Variants in LRP1 observed in about 807,000 individuals in gnomAD.
LRP1 encodes the protein prolow-density lipoprotein receptor-related protein 1.
In LRP1, 51 loss-of-function variants were observed where a neutral mutation model predicts 541.5. The observed-to-expected ratio is 0.09, with a 90% confidence interval of 0.08 to 0.12. The LOEUF is 0.12. Among genes scored for constraint, LRP1 ranks in the 10% least tolerant of loss-of-function variants. LRP1 has a pLI of 1.00. For synonymous variants in LRP1, 2,219 were observed against 2,470.8 expected (o/e 0.90, Z 3.02); for missense variants, 3,878 against 6,376.2 (o/e 0.61, Z 13.34).
In LRP1 at chr12:57,178,419, A is replaced by G. The variant is rs1389712845; in HGVS notation, c.4422A>G (p.Gly1474=). The G allele has an allele frequency of 6.8e-6, 11 of 1,614,088 alleles. No individual in the cohort carries two copies. Among genetic ancestry groups the G allele is most frequent in the Non-Finnish European group, 9.3e-6 (11 of 1,180,028 alleles). ...CTGGCCACATGGAGGTGCTTCGGGG[A>G]CACGAGTTCCTGTCGCACCCGTTTG... is the stretch of plus-strand genomic sequence containing the variant. ...DGSGHMEVLR[G]HEFLSHPFAV... Residue 1474 remains glycine (G), a synonymous_variant, in exon 27 of 89, where the codon GGA becomes GGG. Transcript: ENST00000243077. This position sits in a 1 kb window ranked among gnomAD's most constrained non-coding sequence, Gnocchi z 5.8.
chr12:57,147,816 G>T (rs1309129216), intron 6 of LRP1, among the ~76,000 whole-genome samples: 1 of 152,200 alleles, frequency 6.6e-6, no homozygotes, highest in Admixed American at 6.5e-5. Flanking sequence ...GGAGTCCTGA[G>T]AGCCCCCGAG....
chr12:57,147,196 C>T (rs944506808), intron 6 of LRP1, among the ~76,000 whole-genome samples: 4 of 151,700 alleles, frequency 2.6e-5, no homozygotes, highest in Non-Finnish European at 5.9e-5. Context: ...GGGTTTCTCT[C>T]ATCCCAGCTT....
At position 57,195,803 on chromosome 12, in the gene LRP1, A is replaced by G. The variant is rs1256513918; in HGVS notation, c.8560+23A>G. ...GTGGTGAGCCTTCGGCGGTGGTGGG[A>G]GGAGGCCCTGCCCTCTGCCGGGCCA... On this transcript the variant is annotated intron_variant, in intron 53 of 88. Transcript: ENST00000243077. The G allele has an allele frequency of 3.1e-6, 5 of 1,613,868 alleles. No individual in the cohort carries two copies. In the African/African-American group the frequency reaches 4.0e-5, roughly 13 times the overall value.
rs544933752 is a variant in LRP1 at position 57,189,868 on chromosome 12, C to T, written c.7032-937C>T. Among the ~76,000 whole-genome samples the T allele has an allele frequency of 6.6e-6, 1 of 152,098 alleles. No individual in the cohort carries two copies. Among genetic ancestry groups the T allele is most frequent in the Non-Finnish European group, 1.5e-5 (1 of 68,004 alleles). On this transcript the variant is annotated intron_variant, in intron 42 of 88. Transcript: ENST00000243077. This position sits in a 1 kb window ranked among gnomAD's most constrained non-coding sequence, Gnocchi z 4.4. ...CCCCGCCCTGGGCCTAGCTGAGTGA[C>T]AAGCTCTGGGACCGAGGACCCAGGG... is the stretch of plus-strand genomic sequence containing the variant.
Position 57,211,291 on chromosome 12 carries a change from C to T in LRP1, c.13032C>T (p.Cys4344=), listed in dbSNP as rs763372408. 36 of 1,614,090 alleles carry T rather than the reference C, an allele frequency of 2.2e-5. No individual in the cohort carries two copies. Among genetic ancestry groups the T allele is most frequent in the Non-Finnish European group, 3.1e-5 (36 of 1,180,048 alleles). Residue 4344 remains cysteine, a synonymous_variant, in exon 84 of 89, where the codon TGC becomes TGT. Transcript: ENST00000243077. The surrounding 1 kb of genome is among the most constrained non-coding windows in gnomAD (Gnocchi z 4.3). ...FEGSRCEVNK[C]SRCLEGACVV... is the part of the protein sequence containing the mutation. ...GATCGAGGTGTGAGGTGAACAAGTGCAGCCGCTGTCTCGAAGGGGCCTGTG... is the reference window on the plus strand; with the variant it reads ...GATCGAGGTGTGAGGTGAACAAGTGTAGCCGCTGTCTCGAAGGGGCCTGTG...
rs766802743 is a variant in LRP1 at position 57,201,009 on chromosome 12, G to A, written c.10226-25G>A. 28 of 1,613,852 alleles carry A rather than the reference G, an allele frequency of 1.7e-5. No individual in the cohort carries two copies. Among genetic ancestry groups the A allele is most frequent in the South Asian group, 1.1e-4 (10 of 91,000 alleles). On this transcript the variant is annotated intron_variant, in intron 64 of 88. Transcript: ENST00000243077. This position sits in a 1 kb window ranked among gnomAD's most constrained non-coding sequence, Gnocchi z 6.4. ...TGCCCCTGAGTCCTCCCTTCGCCAC[G>A]AATCACCTCCTCCTCCCTCCACAGA...
intron 19 of LRP1, among the ~76,000 whole-genome samples, chr12:57,168,558 A>G (rs961860395): frequency 6.6e-6 from 1 of 152,194 alleles, no homozygotes; most frequent in African/African-American, 2.4e-5. Flanking sequence ...CACATGTCCC[A>G]TAAATACAGA....
chr12:57,155,360 A>C (rs1322780694), intron 8 of LRP1: 2 of 158,776 alleles, frequency 1.3e-5, no homozygotes, highest in African/African-American at 4.8e-5. Flanking sequence ...GCCCATCTCT[A>C]ATTCAGTCTA....
In LRP1 at chr12:57,210,156, G is replaced by GC. The variant is rs757410385; in HGVS notation, c.12575dup (p.Asp4193ArgfsTer9). 1.7e-4 allele frequency: 264 copies of GC among 1,597,482 alleles called. No homozygotes were observed. The highest frequency in any genetic ancestry group is 1.7e-4 in the Middle Eastern group (1 of 5,982). ...CATGCGTGCCTGTGCCCTCTCCAAC[G>GC]CCCCCCCCAGATGGTATGCTTATGC... On this transcript the variant is annotated frameshift_variant, in exon 81 of 89. Transcript: ENST00000243077. LOFTEE classifies it high-confidence loss of function.
rs2136717059 is a variant in LRP1, at chr12:57,189,743, A to G, written c.7032-1062A>G. On this transcript the variant is annotated intron_variant, in intron 42 of 88. Coordinates refer to ENST00000243077, the MANE Select transcript of LRP1 (RefSeq NM_002332.3). This position sits in a 1 kb window ranked among gnomAD's most constrained non-coding sequence, Gnocchi z 4.4. ...GGTGGGGGCGGGGGCAGGTCCTGTT[A>G]GGGAACTGGAGAACGGAGCTGGCTT... Among the ~76,000 whole-genome samples, 1 of 152,140 alleles carries G rather than the reference A, an allele frequency of 6.6e-6. No homozygotes were observed. The highest frequency in any genetic ancestry group is 2.4e-5 in the African/African-American group (1 of 41,510).
At position 57,196,282 on chromosome 12, in the gene LRP1, G is replaced by T. The variant is rs146476638; in HGVS notation, c.8892+5G>T. The stretch of plus-strand genomic sequence containing the variant: ...GACCTCAAGATCGGCTTCAAGGTAT[G>T]CCCAGCCCTGGGGAGGAGCTTCCAC... On this transcript the variant is annotated splice_donor_5th_base_variant and intron_variant, in intron 55 of 88. Coordinates refer to ENST00000243077, the MANE Select transcript of LRP1 (RefSeq NM_002332.3). 3.7e-4 allele frequency: 587 copies of T among 1,572,206 alleles called. 1 individual carries two copies. Among genetic ancestry groups the T allele is most frequent in the Non-Finnish European group, 1.1e-4 (130 of 1,154,498 alleles).
Position 57,162,322 on chromosome 12 carries a change from G to A in LRP1, c.2208G>A (p.Val736=), listed in dbSNP as rs1382472055. The A allele has an allele frequency of 6.2e-7, 1 of 1,614,002 alleles. No individual in the cohort carries two copies. The highest frequency in any genetic ancestry group is 2.2e-5 in the East Asian group (1 of 44,884). ...ILLNGTDRKI[V]YEGPELNHAF... ...AACATCCTCTCCATCCCTAGATTGTGTATGAAGGTCCTGAGCTGAACCACG... is the reference window on the plus strand; with the variant it reads ...AACATCCTCTCCATCCCTAGATTGTATATGAAGGTCCTGAGCTGAACCACG... Residue 736 remains valine (V), a synonymous_variant, in exon 14 of 89, where the codon GTG becomes GTA. Coordinates refer to ENST00000243077, the MANE Select transcript of LRP1 (RefSeq NM_002332.3). The surrounding 1 kb of genome is among the most constrained non-coding windows in gnomAD (Gnocchi z 5.2).
At position 57,202,543 on chromosome 12, in the gene LRP1, T is replaced by TGGGGGCCCCC; in HGVS notation, c.10711+6_10711+7insGGGGGCCCCC. 2 of 1,523,598 alleles carry TGGGGGCCCCC rather than the reference T, an allele frequency of 1.3e-6. No homozygotes were observed. The highest frequency in any genetic ancestry group is 2.5e-5 in the East Asian group (1 of 40,536). The allele number at this position is 1,523,598 out of a possible 1,614,324, so 94.4% of individuals were successfully genotyped here. A position where few individuals can be genotyped will look rare whatever the true frequency, so the allele number is the denominator to read the frequency against. On this transcript the variant is annotated splice_region_variant and intron_variant, in intron 68 of 88. Transcript: ENST00000243077. ...CTCCGATGAAGAGAGCTGCAGTACG[T>TGGGGGCCCCC]CCCCACCCACCCAGCCCCGCATGAG...
chr12:57,199,839 G>A, intron 61 of LRP1, 38 bp from the exon 62 acceptor site: 1 of 1,555,162 alleles, frequency 6.4e-7, no homozygotes, highest in African/African-American at 1.4e-5. Flanking sequence ...TGGTAGGCCA[G>A]AAAATGTCAC....
intron 6 of LRP1, among the ~76,000 whole-genome samples, chr12:57,152,678 A>G (rs1020428838): frequency 5.3e-5 from 8 of 152,032 alleles, no homozygotes. Context: ...CAGAGGAAAG[A>G]GTGGCTGGGC....
rs576180084 is a variant in LRP1, at chr12:57,197,247, A to G, written c.9077-52A>G. On this transcript the variant is annotated intron_variant, in intron 56 of 88. Coordinates refer to ENST00000243077, the MANE Select transcript of LRP1 (RefSeq NM_002332.3). The surrounding 1 kb of genome is among the most constrained non-coding windows in gnomAD (Gnocchi z 4.5). ...TGGCAGAGCTCCAGACAGGCAGGAGACCAGGGCCGCTAGAATGTGCCAGGA... is the reference window on the plus strand; with the variant it reads ...TGGCAGAGCTCCAGACAGGCAGGAGGCCAGGGCCGCTAGAATGTGCCAGGA... 1 of 1,612,622 alleles carries G rather than the reference A, an allele frequency of 6.2e-7. No homozygotes were observed. The highest frequency in any genetic ancestry group is 1.1e-5 in the South Asian group (1 of 91,048).
chr12:57,157,390 C>G (rs1013209382), intron 10 of LRP1, among the ~76,000 whole-genome samples: 1 of 152,192 alleles, frequency 6.6e-6, no homozygotes, highest in East Asian at 1.9e-4. Context: ...GCAGGCAGAT[C>G]ACTTGAGGTG....
chr12:57,165,717 AAAAC>A lies in LRP1; in HGVS notation c.2531-80_2531-77del, dbSNP rs1255905303. The A allele has an allele frequency of 1.4e-5, 20 of 1,385,858 alleles. No homozygotes were observed. Among genetic ancestry groups the A allele is most frequent in the Middle Eastern group, 1.9e-4 (1 of 5,402 alleles). The allele number at this position is 1,385,858 out of a possible 1,614,324, so 85.8% of individuals were successfully genotyped here. ...TTACTTTGTATTATTAAAAAATAGT[AAAAC>A]AAACAAAAATGGTGCAAAGGGCTTA... On this transcript the variant is annotated intron_variant, in intron 15 of 88. Coordinates refer to ENST00000243077, the MANE Select transcript of LRP1 (RefSeq NM_002332.3). This position sits in a 1 kb window ranked among gnomAD's most constrained non-coding sequence, Gnocchi z 4.5.
chr12:57,192,880 T>C lies in LRP1; in HGVS notation c.7465T>C (p.Cys2489Arg). ...TCCATGCCGAATCAACAACGGTGGC[T>C]GCCAGGACCTGTGTCTGCTCACTCA... is the stretch of plus-strand genomic sequence containing the variant. ...LSPCRINNGG[C>R]QDLCLLTHQG... The change falls in exon 45 of 89, where the codon TGC becomes CGC. Residue 2489 changes from cysteine to arginine, a missense_variant. Coordinates refer to ENST00000243077, the MANE Select transcript of LRP1 (RefSeq NM_002332.3). 6.2e-7 allele frequency: 1 copy of C among 1,614,066 alleles called. No homozygotes were observed. The highest frequency in any genetic ancestry group is 8.5e-7 in the Non-Finnish European group (1 of 1,180,010).
Sources: gnomAD v4.1 joint callset for allele counts (sites outside exome capture counted in the v4.1 genomes callset) on GRCh38, gnomAD v4.1.1 for gene constraint, Gnocchi (gnomAD v3.1) non-coding constraint, MANE v1.5 for transcripts, NCBI Gene and HGNC (gene_info 2026-07-23, HGNC 2026-07-21) for gene names.